The following HDC variants were observed in gnomAD, a reference collection of about 807,000 sequenced individuals.
The protein encoded by HDC is histidine decarboxylase.
A neutral mutation model predicts 64.4 loss-of-function variants in HDC; 27 were observed. The observed-to-expected ratio is 0.42, with a 90% CI of 0.31 to 0.58. The LOEUF (loss-of-function observed/expected upper bound fraction) is 0.58. Ranked by LOEUF, HDC falls within the 20% of genes least tolerant of loss-of-function variation. The probability of loss-of-function intolerance (pLI) is 0.16; values close to 1 mark genes in which losing one functional copy is unlikely to be tolerated. For synonymous variants in HDC, 305 were observed against 314.2 expected, an observed-to-expected ratio of 0.97 and a Z score of 0.31; for missense variants, 711 against 833.9, an observed-to-expected ratio of 0.85 and a Z score of 1.81.
chr15:50,262,500 G>C (rs1302599475), intron 2 of HDC, among the ~76,000 whole-genome samples: 1 of 152,216 alleles, frequency 6.6e-6, no homozygotes, highest in Non-Finnish European at 1.5e-5. Flanking sequence ...CTCACCGCCA[G>C]TGGTCAGGGG....
At chr15:50,253,203 C>T (rs1197295405) in intron 7 of HDC, 7 of 371,162 alleles carry the variant, frequency 1.9e-5, no homozygotes, top group Non-Finnish European at 2.5e-5. Context: ...TTTAATCTCT[C>T]CCATGATTTC....
chr15:50,258,656 T>G, intron 2 of HDC, 139 bp from the exon 3 acceptor site: 1 of 691,114 alleles, frequency 1.4e-6, no homozygotes. Context: ...GTGACATAAC[T>G]CCATGAAAAT....
intron 10 of HDC, among the ~76,000 whole-genome samples, chr15:50,245,101 C>T (rs1247930672): frequency 6.6e-6 from 1 of 152,228 alleles, no homozygotes; most frequent in Non-Finnish European, 1.5e-5. Context: ...ACAGGCAGCA[C>T]TGCCACCTCC....
intron 9 of HDC, among the ~76,000 whole-genome samples, chr15:50,249,954 G>A (rs569428806): frequency 2.0e-5 from 3 of 152,310 alleles, no homozygotes; most frequent in East Asian, 1.9e-4. Context: ...AAATCTGGAC[G>A]TATAAAGCCT....
At chr15:50,243,743 T>C (rs1358568314) in intron 10 of HDC, among the ~76,000 whole-genome samples, 1 of 152,244 alleles carries the variant, frequency 6.6e-6, no homozygotes, top group Non-Finnish European at 1.5e-5. Flanking sequence ...ATGCTTCACT[T>C]GCCTCTCAAA....
chr15:50,253,232 C>T (rs946956871), intron 7 of HDC: 3 of 375,826 alleles, frequency 8.0e-6, no homozygotes, highest in African/African-American at 2.1e-5. Flanking sequence ...TACCCTTTTC[C>T]TTTTCTGAAG....
At chr15:50,245,711 A>C (rs959932296) in intron 10 of HDC, among the ~76,000 whole-genome samples, 1 of 152,130 alleles carries the variant, frequency 6.6e-6, no homozygotes. Flanking sequence ...CCTGGGCAAC[A>C]TGACAAAACC....
chr15:50,257,323 G>C, intron 4 of HDC, 102 bp downstream of exon 4: 1 of 1,445,862 alleles, frequency 6.9e-7, no homozygotes, highest in Admixed American at 1.7e-5. Context: ...TGGGTAATGT[G>C]GGGGAAACTC....
rs761374435 is a variant in HDC at position 50,265,581 on chromosome 15, C to A, written c.31+12G>T. ...GCAGCAGGGAAGAGGGCCAGGGATGCCCGTTGCTCACCTCTCTCTCTGTAC... is the reference window on the plus strand; with the variant it reads ...GCAGCAGGGAAGAGGGCCAGGGATGACCGTTGCTCACCTCTCTCTCTGTAC... On this transcript the variant is annotated intron_variant, in intron 1 of 11. Transcript: ENST00000267845. The A allele has an allele frequency of 6.2e-7, 1 of 1,613,310 alleles. No individual in the cohort carries two copies. Among genetic ancestry groups the A allele is most frequent in the South Asian group, 1.1e-5 (1 of 91,034 alleles).
At chr15:50,264,136 CAGAT>C (rs1439799558) in intron 1 of HDC, among the ~76,000 whole-genome samples, 1 of 152,094 alleles carries the variant, frequency 6.6e-6, no homozygotes, top group Non-Finnish European at 1.5e-5. Context: ...TCTGTTAGCA[CAGAT>C]AGAAAGATTC....
At chr15:50,258,341 G>T in intron 3 of HDC, 63 bp downstream of exon 3, 1 of 860,992 alleles carries the variant, frequency 1.2e-6, no homozygotes, top group Non-Finnish European at 2.0e-6. Context: ...AAATATGTCT[G>T]CCCTAGGATA....
intron 1 of HDC, among the ~76,000 whole-genome samples, chr15:50,265,302 G>C (rs545550607): frequency 6.6e-6 from 1 of 152,092 alleles, no homozygotes; most frequent in African/African-American, 2.4e-5. Context: ...GTGGCTCAGG[G>C]ATCCAAATCC....
intron 10 of HDC, among the ~76,000 whole-genome samples, chr15:50,245,860 C>T (rs1257294247): frequency 6.6e-6 from 1 of 152,010 alleles, no homozygotes; most frequent in Non-Finnish European, 1.5e-5. Flanking sequence ...GGCACTACCG[C>T]ACTTCAGCCT....
intron 10 of HDC, among the ~76,000 whole-genome samples, chr15:50,245,796 G>C (rs2045474359): frequency 6.6e-6 from 1 of 152,184 alleles, no homozygotes; most frequent in Admixed American, 6.5e-5. Flanking sequence ...TCAGGAGGCT[G>C]AGGTGGGAGG....
intron 5 of HDC, 54 bp from the exon 6 acceptor site, chr15:50,254,327 C>G: frequency 6.2e-7 from 1 of 1,605,532 alleles, no homozygotes; most frequent in South Asian, 1.1e-5. Context: ...ATGATCACCC[C>G]CCAGAAACTG....
chr15:50,253,898 C>A (rs2045592037), intron 6 of HDC: 2 of 643,216 alleles, frequency 3.1e-6, no homozygotes, highest in South Asian at 3.7e-5. Context: ...CATACTCTGG[C>A]TATATGTGTG....
At chr15:50,265,533 C>A (rs2045755549) in intron 1 of HDC, 60 bp downstream of exon 1, 2 of 1,519,772 alleles carry the variant, frequency 1.3e-6, no homozygotes, top group Admixed American at 1.7e-5. Context: ...GGCCACCCAC[C>A]AGCAGCCGTT....
At chr15:50,257,899 C>T (rs1793856) in intron 3 of HDC, among the ~76,000 whole-genome samples, 5 of 133,938 alleles carry the variant, frequency 3.7e-5, no homozygotes, top group Non-Finnish European at 6.4e-5. Flanking sequence ...TGAATACCCC[C>T]GCCCACCCAC....
At position 50,248,296 on chromosome 15, in the gene HDC, C is replaced by G; in HGVS notation, c.1089G>C (p.Trp363Cys). The change falls in exon 10 of 12, where the codon TGG (tryptophan) becomes TGC (cysteine). Residue 363 changes from tryptophan to cysteine, a missense_variant. By Grantham distance (215) the Trp-to-Cys change is radical. This residue lies in a region of HDC where 483 missense variants were observed against 540.9 expected (regional missense o/e 0.89). Transcript: ENST00000267845. The surrounding 1 kb of genome is among the most constrained non-coding windows in gnomAD (Gnocchi z 4.3). Reference protein sequence around the residue: ...LSRRFRSVKLWFVIRSFGVKN... With the variant: ...LSRRFRSVKLCFVIRSFGVKN... ...TCACCCCGAAGGACCGAATCACGAACCAGAGTTTAACAGAGCGAAACCGTC... is the reference window on the plus strand; with the variant it reads ...TCACCCCGAAGGACCGAATCACGAAGCAGAGTTTAACAGAGCGAAACCGTC... 6 of 1,614,196 alleles carry G rather than the reference C, an allele frequency of 3.7e-6. No homozygotes were observed. The highest frequency in any genetic ancestry group is 5.1e-6 in the Non-Finnish European group (6 of 1,180,010).
Sources: gnomAD v4.1 joint callset for allele counts (sites outside exome capture counted in the v4.1 genomes callset) on GRCh38, gnomAD v4.1.1 for gene constraint, gnomAD v4.1.1 regional missense constraint, Gnocchi (gnomAD v3.1) non-coding constraint, MANE v1.5 for transcripts, NCBI Gene and HGNC (gene_info 2026-07-23, HGNC 2026-07-21) for gene names.